The following PDCD4 variants were observed in gnomAD, a reference collection of about 807,000 sequenced individuals.
PDCD4 encodes the protein programmed cell death 4.
In PDCD4, 56 loss-of-function variants were observed where a neutral mutation model predicts 54.0. The ratio of observed to expected loss-of-function variants is 1.04; its 90% CI spans 0.84 to 1.30. The LOEUF is 1.30. Among genes scored for constraint, PDCD4 ranks in the 50% most tolerant of loss-of-function variants. The probability of loss-of-function intolerance (pLI) is 0.00; values close to 1 mark genes in which losing one functional copy is unlikely to be tolerated. For missense variants in PDCD4, 584 were observed against 559.8 expected, an observed-to-expected ratio of 1.04 and a Z score of -0.44; for synonymous variants, 186 against 194.8, an observed-to-expected ratio of 0.95 and a Z score of 0.37.
chr10:110,897,964 T>G, intron 11 of PDCD4, 64 bp from the exon 12 acceptor site: 1 of 1,174,148 alleles, frequency 8.5e-7, no homozygotes, highest in Non-Finnish European at 1.2e-6. Context: ...TTTTAATTTT[T>G]TTATATATTG....
chr10:110,880,264 G>A (rs1469695993), intron 2 of PDCD4: 1 of 152,272 alleles, frequency 6.6e-6, no homozygotes, highest in Admixed American at 6.5e-5. Context: ...TAAAAAGAAA[G>A]TGATTTCCAT....
chr10:110,882,410 C>G (rs943456173), intron 3 of PDCD4, among the ~76,000 whole-genome samples: 4 of 152,098 alleles, frequency 2.6e-5, no homozygotes, highest in Non-Finnish European at 5.9e-5. Context: ...TGTTAAGCTT[C>G]TTTTGGTTGT....
intron 8 of PDCD4, 59 bp from the exon 9 acceptor site, chr10:110,894,032 C>A: frequency 3.0e-6 from 3 of 1,004,272 alleles, no homozygotes; most frequent in Non-Finnish European, 4.7e-6. Flanking sequence ...ATCCTGTAGG[C>A]AAGCACGATA....
intron 4 of PDCD4, among the ~76,000 whole-genome samples, chr10:110,883,694 G>A (rs1288330549): frequency 6.6e-6 from 1 of 151,772 alleles, no homozygotes; most frequent in Non-Finnish European, 1.5e-5. Context: ...ACCCTGTTTT[G>A]GATTATTTTG....
At chr10:110,872,702 G>C (rs892629343) in intron 1 of PDCD4, among the ~76,000 whole-genome samples, 1 of 152,226 alleles carries the variant, frequency 6.6e-6, no homozygotes, top group African/African-American at 2.4e-5. Context: ...CGCGAACTTC[G>C]TCGCGCCCGT....
chr10:110,885,400 T>C (rs1218003833), intron 5 of PDCD4, 34 bp downstream of exon 5: 1 of 955,372 alleles, frequency 1.0e-6, no homozygotes, highest in African/African-American at 1.7e-5. Context: ...ATTTATTTAA[T>C]ATAGGAGAGA....
At chr10:110,875,132 CTA>C (rs1363329901) in intron 1 of PDCD4, among the ~76,000 whole-genome samples, 2 of 152,044 alleles carry the variant, frequency 1.3e-5, no homozygotes, top group Non-Finnish European at 2.9e-5. Context: ...TTTTTGAAAA[CTA>C]TTTTGATATT....
intron 6 of PDCD4, among the ~76,000 whole-genome samples, 154 bp downstream of exon 6, chr10:110,888,040 T>C (rs1845697014): frequency 6.6e-6 from 1 of 152,194 alleles, no homozygotes; most frequent in Non-Finnish European, 1.5e-5. Context: ...TGATGTATTT[T>C]TTCCTAGTTC....
Position 110,894,401 on chromosome 10 carries a change from T to C in PDCD4, c.1099-11T>C. On this transcript the variant is annotated splice_polypyrimidine_tract_variant and intron_variant, in intron 9 of 11. Coordinates refer to ENST00000280154, the MANE Select transcript of PDCD4 (RefSeq NM_014456.5). ...ATTAACCAAAAATTCACTCATTGAT[T>C]CAATTTTTAGGCTATTATAATGGTT... 1 of 1,374,874 alleles carries C rather than the reference T, an allele frequency of 7.3e-7. No individual in the cohort carries two copies. Among genetic ancestry groups the C allele is most frequent in the African/African-American group, 1.4e-5 (1 of 70,174 alleles). The allele number at this position is 1,374,874 out of a possible 1,614,324, so 85.2% of individuals were successfully genotyped here.
Position 110,876,078 on chromosome 10 carries a change from A to G in PDCD4, c.43+8A>G. 2 of 1,602,812 alleles carry G rather than the reference A, an allele frequency of 1.2e-6. No homozygotes were observed. Among genetic ancestry groups the G allele is most frequent in the Non-Finnish European group, 1.7e-6 (2 of 1,172,874 alleles). On this transcript the variant is annotated splice_region_variant and intron_variant, in intron 2 of 11. Transcript: ENST00000280154. ...TGAATGTAAACCCTGCAGGTAAGTA[A>G]GGATATCCTTTTTTCTTTTTTTCTT...
intron 4 of PDCD4, among the ~76,000 whole-genome samples, chr10:110,884,573 TTTAA>T: frequency 6.6e-6 from 1 of 152,196 alleles, no homozygotes; most frequent in Non-Finnish European, 1.5e-5. Context: ...AAAGTGAAAT[TTTAA>T]TTAAAACACC....
chr10:110,893,457 A>G (rs1845786424), intron 8 of PDCD4, among the ~76,000 whole-genome samples: 1 of 151,488 alleles, frequency 6.6e-6, no homozygotes, highest in South Asian at 2.1e-4. Context: ...AAATATTCCT[A>G]GTTGAAACTC....
chr10:110,884,020 G>A (rs1451282135), intron 4 of PDCD4, among the ~76,000 whole-genome samples: 1 of 152,174 alleles, frequency 6.6e-6, no homozygotes, highest in Non-Finnish European at 1.5e-5. Flanking sequence ...CTTATCCGTG[G>A]TTTCACTTTC....
intron 6 of PDCD4, among the ~76,000 whole-genome samples, chr10:110,888,871 C>G (rs968724491): frequency 1.3e-5 from 2 of 151,926 alleles, no homozygotes; most frequent in Admixed American, 6.6e-5. Flanking sequence ...AACTTTTTTT[C>G]TCCACAAGAT....
chr10:110,887,548 C>A, intron 5 of PDCD4, 117 bp from the exon 6 acceptor site: 1 of 632,900 alleles, frequency 1.6e-6, no homozygotes, highest in Non-Finnish European at 2.7e-6. Context: ...TGATTATTTC[C>A]AAAGAGTGAG....
chr10:110,878,284 C>G (rs1352153005), intron 2 of PDCD4, among the ~76,000 whole-genome samples: 1 of 152,298 alleles, frequency 6.6e-6, no homozygotes, highest in East Asian at 1.9e-4. Context: ...AGAATGTTTA[C>G]TGCTGCAGAG....
At position 110,885,359 on chromosome 10, in the gene PDCD4, A is replaced by T. The variant is rs777039009; in HGVS notation, c.548A>T (p.Glu183Val). 2.0e-6 allele frequency: 3 copies of T among 1,494,150 alleles called. No individual in the cohort carries two copies. The East Asian group carries it at 6.9e-5, about 35-fold the overall frequency. The allele number at this position is 1,494,150 out of a possible 1,614,324, so 92.6% of individuals were successfully genotyped here. Residue 183 changes from glutamate to valine, a missense_variant, in exon 5 of 12, where the codon GAA becomes GTA. Glu to Val is a moderately radical substitution (Grantham distance 121, BLOSUM62 -2). Coordinates refer to ENST00000280154, the MANE Select transcript of PDCD4 (RefSeq NM_014456.5). ...TATTTTGAGCATGGAGATACTAATG[A>T]AGTTGCGGTAGGTTTAAAGTTGCAA... ...QEYFEHGDTN[E>V]VAEMLRDLNL...
rs1167597601 is a variant in PDCD4, at chr10:110,898,306, CCT to C, written c.*221_*222del. On this transcript the variant is annotated 3_prime_UTR_variant, in exon 12 of 12. Coordinates refer to ENST00000280154, the MANE Select transcript of PDCD4 (RefSeq NM_014456.5). ...GGGGCAAGGAGGGACAGAAAAGTAA[CCT>C]CTTCTTAAGTGGAATATTCTAATAA... 1 of 359,252 alleles carries C rather than the reference CCT, an allele frequency of 2.8e-6. No individual in the cohort carries two copies. The highest frequency in any genetic ancestry group is 4.9e-6 in the Non-Finnish European group (1 of 203,520). The allele number at this position is 359,252 out of a possible 1,614,324, so 22.3% of individuals were successfully genotyped here. A position where few individuals can be genotyped will look rare whatever the true frequency, so the allele number is the denominator to read the frequency against.
In PDCD4 at chr10:110,883,627, A is replaced by C. The variant is rs1029577646; in HGVS notation, c.441+530A>C. Among the ~76,000 whole-genome samples, 6 of 152,132 alleles carry C rather than the reference A, an allele frequency of 3.9e-5. No homozygotes were observed. In the South Asian group the frequency reaches 8.3e-4, roughly 21 times the overall value. ...TACAAACTTAAATAATTACAAACTCATAGGCAGTCTTGTTTAATTCCATTT... is the reference window on the plus strand; with the variant it reads ...TACAAACTTAAATAATTACAAACTCCTAGGCAGTCTTGTTTAATTCCATTT... On this transcript the variant is annotated intron_variant, in intron 4 of 11. Coordinates refer to ENST00000280154, the MANE Select transcript of PDCD4 (RefSeq NM_014456.5).
Sources: gnomAD v4.1 joint callset for allele counts (sites outside exome capture counted in the v4.1 genomes callset) on GRCh38, gnomAD v4.1.1 for gene constraint, MANE v1.5 for transcripts, NCBI Gene and HGNC (gene_info 2026-07-23, HGNC 2026-07-21) for gene names.